SEMA4B: variants seen among roughly 807,000 people sequenced by gnomAD.
The protein encoded by SEMA4B is semaphorin-4B.
In SEMA4B, 55 loss-of-function variants were observed where a neutral mutation model predicts 88.1. That is an observed-to-expected ratio of 0.62 (90% CI 0.50 to 0.78). SEMA4B has a LOEUF of 0.78. Ranked by LOEUF, SEMA4B falls within the 30% of genes least tolerant of loss-of-function variation. The pLI, the probability that SEMA4B is intolerant of heterozygous loss-of-function variation, is 0.00. For missense variants in SEMA4B, 1,062 were observed against 1,111.9 expected, an observed-to-expected ratio of 0.96 and a Z score of 0.64; for synonymous variants, 525 against 473.6, an observed-to-expected ratio of 1.11 and a Z score of -1.41.
At chr15:90,207,356 T>C (rs1242419206) in intron 1 of SEMA4B, among the ~76,000 whole-genome samples, 1 of 152,086 alleles carries the variant, frequency 6.6e-6, no homozygotes, top group Non-Finnish European at 1.5e-5. Context: ...TTTACCATAC[T>C]CCTAAAGAGG....
chr15:90,188,830 G>C (rs1265994410), intron 1 of SEMA4B, among the ~76,000 whole-genome samples: 1 of 151,696 alleles, frequency 6.6e-6, no homozygotes, highest in Non-Finnish European at 1.5e-5. Flanking sequence ...ACCACGCCCG[G>C]CTAATTTTTT....
rs1260376438 is a variant in SEMA4B, at chr15:90,225,675, G to A, written c.1536G>A (p.Ala512=). 9 of 1,566,300 alleles carry A rather than the reference G, an allele frequency of 5.7e-6. No individual in the cohort carries two copies. The highest frequency in any genetic ancestry group is 6.9e-6 in the Non-Finnish European group (8 of 1,156,604). Reference sequence around the variant, plus strand: ...TGGCTGTGCAGGGGCTGCTGTATGCGGCCTCACACTCGGGCGTAGTCCAGG... The same window carrying A: ...TGGCTGTGCAGGGGCTGCTGTATGCAGCCTCACACTCGGGCGTAGTCCAGG... ...LLDTHRGLLY[A]ASHSGVVQVP... The change falls in exon 12 of 14, where the codon GCG becomes GCA. Residue 512 remains alanine (A), a synonymous_variant. Coordinates refer to ENST00000411539, the MANE Select transcript of SEMA4B (RefSeq NM_198925.4).
chr15:90,203,906 G>A (rs1202426577), intron 1 of SEMA4B, among the ~76,000 whole-genome samples: 2 of 152,180 alleles, frequency 1.3e-5, no homozygotes, highest in Admixed American at 6.5e-5. Flanking sequence ...CTGAACTTGT[G>A]AGCACGTATC....
At chr15:90,217,996 C>A in intron 3 of SEMA4B, 167 bp downstream of exon 3, 1 of 599,148 alleles carries the variant, frequency 1.7e-6, no homozygotes. Context: ...ACTACACTTA[C>A]ATCGCTACGA....
chr15:90,188,753 C>T (rs564454357), intron 1 of SEMA4B, among the ~76,000 whole-genome samples: 121 of 152,156 alleles, frequency 8.0e-4, no homozygotes, highest in African/African-American at 2.8e-3. Context: ...CTGCAAGCTC[C>T]GCCCCCCGGA....
rs774926343 is a variant in SEMA4B, at chr15:90,221,037, A to T, written c.539A>T (p.Asp180Val). The T allele has an allele frequency of 6.2e-7, 1 of 1,611,630 alleles. No homozygotes were observed. Among genetic ancestry groups the T allele is most frequent in the Admixed American group, 1.7e-5 (1 of 59,722 alleles). Residue 180 changes from aspartate (D) to valine (V), a missense_variant, in exon 5 of 14, where the codon GAT (aspartate) becomes GTT (valine). By Grantham distance (152) the Asp-to-Val change is radical (BLOSUM62 -3). Coordinates refer to ENST00000411539, the MANE Select transcript of SEMA4B (RefSeq NM_198925.4). Reference protein sequence around the residue: ...RDEKGNVLLEDGKGRCPFDPN... With the variant: ...RDEKGNVLLEVGKGRCPFDPN... The stretch of plus-strand genomic sequence containing the variant: ...GAGAAGGGGAATGTCCTCCTGGAAG[A>T]TGGCAAGGGCCGTTGTCCCTTCGAC...
chr15:90,206,875 G>A (rs1458856071), intron 1 of SEMA4B: 1 of 713,450 alleles, frequency 1.4e-6, no homozygotes, highest in African/African-American at 1.7e-5. Context: ...ACCCCGTAAA[G>A]TGGTTGGTTG....
At chr15:90,201,276 G>A (rs930025847), upstream of SEMA4B, 27 of 1,089,778 alleles carry the variant, frequency 2.5e-5, no homozygotes, top group Non-Finnish European at 2.9e-5. Context: ...AGGGGGAAGG[G>A]GGCGGGCCGG....
At position 90,203,909 on chromosome 15, in the gene SEMA4B, C is replaced by G. The variant is rs375216015; in HGVS notation, c.157+2174C>G. 3.9e-5 allele frequency among the ~76,000 whole-genome samples: 6 copies of G among 152,318 alleles called. No individual in the cohort carries two copies. The East Asian group carries it at 9.7e-4, about 25-fold the overall frequency. ...GCACCTAGCTACCTGAACTTGTGAG[C>G]ACGTATCTATAGTCGACTGAGTTGC... On this transcript the variant is annotated intron_variant, in intron 1 of 13. Coordinates refer to ENST00000411539, the MANE Select transcript of SEMA4B (RefSeq NM_198925.4).
rs372433527 is a variant in SEMA4B, at chr15:90,221,778, G to A, written c.861+13G>A. 211 of 1,612,380 alleles carry A rather than the reference G, an allele frequency of 1.3e-4. No individual in the cohort carries two copies. The highest frequency in any genetic ancestry group is 1.7e-4 in the Non-Finnish European group (201 of 1,179,096). Reference sequence around the variant, plus strand: ...CCGCATCTGCAAGGTGAGGGGAACGGGCTGACAGGGTGGCCACCCCAGGGA... The same window carrying A: ...CCGCATCTGCAAGGTGAGGGGAACGAGCTGACAGGGTGGCCACCCCAGGGA... On this transcript the variant is annotated intron_variant, in intron 7 of 13. Transcript: ENST00000411539.
Position 90,228,454 on chromosome 15 carries a change from A to G in SEMA4B, c.2325A>G (p.Leu775=), listed in dbSNP as rs1311795790. 1.2e-6 allele frequency: 2 copies of G among 1,610,312 alleles called. No individual in the cohort carries two copies. The highest frequency in any genetic ancestry group is 1.7e-6 in the Non-Finnish European group (2 of 1,178,796). ...CTGAGACCCGCCCACTCAACGGCCT[A>G]GGGCCCCCTAGCACCCCGCTCGATC... ...LPPETRPLNG[L]GPPSTPLDHR... Residue 775 remains leucine, a synonymous_variant, in exon 14 of 14, where the codon CTA becomes CTG. Coordinates refer to ENST00000411539, the MANE Select transcript of SEMA4B (RefSeq NM_198925.4).
At chr15:90,222,022 C>G (rs1018279578) in intron 7 of SEMA4B, among the ~76,000 whole-genome samples, 4 of 151,672 alleles carry the variant, frequency 2.6e-5, no homozygotes, top group Non-Finnish European at 5.9e-5. Context: ...TCACTGCAGC[C>G]TCGACCTCCT....
rs1311251225 is a variant in SEMA4B at position 90,221,679 on chromosome 15, A to C, written c.775A>C (p.Lys259Gln). Residue 259 changes from lysine to glutamine, a missense_variant, in exon 7 of 14, where the codon AAG (lysine) becomes CAG (glutamine). By Grantham distance (53) the Lys-to-Gln change is moderately conservative. Transcript: ENST00000411539. ...GGGCAGCTTGCAAGGCGATGATGACAAGATCTACTTTTTCTTCAGCGAGAC... is the reference window on the plus strand; with the variant it reads ...GGGCAGCTTGCAAGGCGATGATGACCAGATCTACTTTTTCTTCAGCGAGAC... ...SLGSLQGDDD[K>Q]IYFFFSETGQ... The C allele has an allele frequency of 6.2e-7, 1 of 1,614,002 alleles. No homozygotes were observed. The highest frequency in any genetic ancestry group is 8.5e-7 in the Non-Finnish European group (1 of 1,179,888).
rs1487062951 is a variant in SEMA4B, at chr15:90,228,083, G to C, written c.1954G>C (p.Gly652Arg). Residue 652 changes from glycine to arginine, a missense_variant, in exon 14 of 14, where the codon GGG (glycine) becomes CGG (arginine). By Grantham distance (125) the Gly-to-Arg change is moderately radical. Coordinates refer to ENST00000411539, the MANE Select transcript of SEMA4B (RefSeq NM_198925.4). ...DLLLVGTQQL[G>R]EFQCWSLEEG... ...GCTGCTGGTGGGCACCCAACAGCTG[G>C]GGGAGTTCCAGTGCTGGTCACTAGA... is the stretch of plus-strand genomic sequence containing the variant. 1 of 1,613,030 alleles carries C rather than the reference G, an allele frequency of 6.2e-7. No individual in the cohort carries two copies. Among genetic ancestry groups the C allele is most frequent in the East Asian group, 2.2e-5 (1 of 44,884 alleles).
intron 12 of SEMA4B, among the ~76,000 whole-genome samples, chr15:90,226,097 C>T (rs570922136): frequency 2.0e-5 from 3 of 152,192 alleles, no homozygotes; most frequent in Admixed American, 1.3e-4. Flanking sequence ...TGTGGATTAG[C>T]GTGTGAACGT....
chr15:90,221,637 T>G lies in SEMA4B; in HGVS notation c.733T>G (p.Tyr245Asp). 6.2e-7 allele frequency: 1 copy of G among 1,614,046 alleles called. No homozygotes were observed. The change falls in exon 7 of 14, where the codon TAC (tyrosine) becomes GAC (aspartate). Residue 245 changes from tyrosine to aspartate, a missense_variant. Tyr to Asp is a radical substitution (Grantham distance 160, BLOSUM62 -3). Transcript: ENST00000411539. ...LQDPAFVASA[Y>D]IPESLGSLQG... ...AGACCCAGCTTTTGTGGCCTCAGCC[T>G]ACATTCCTGAGAGCCTGGGCAGCTT...
chr15:90,195,809 C>T (rs1306245412), intron 1 of SEMA4B, among the ~76,000 whole-genome samples: 1 of 151,666 alleles, frequency 6.6e-6, no homozygotes, highest in Non-Finnish European at 1.5e-5. Flanking sequence ...GGAGTTTTGC[C>T]GTGTTGCCCA....
upstream of SEMA4B, among the ~76,000 whole-genome samples, chr15:90,198,160 G>A (rs537632045): frequency 1.3e-5 from 2 of 151,720 alleles, no homozygotes; most frequent in South Asian, 2.1e-4. Flanking sequence ...CTCGTGATCC[G>A]CCTGCCTCGG....
chr15:90,194,133 A>G (rs1213638350), intron 1 of SEMA4B, among the ~76,000 whole-genome samples: 1 of 152,140 alleles, frequency 6.6e-6, no homozygotes, highest in Non-Finnish European at 1.5e-5. Context: ...ATTACGGGCA[A>G]TGAGCCACTG....
Sources: gnomAD v4.1 joint callset for allele counts (sites outside exome capture counted in the v4.1 genomes callset) on GRCh38, gnomAD v4.1.1 for gene constraint, MANE v1.5 for transcripts, NCBI Gene and HGNC (gene_info 2026-07-23, HGNC 2026-07-21) for gene names.